Variants in SF3B3 observed in about 807,000 individuals in gnomAD.
The protein encoded by SF3B3 is SAP 130.
SF3B3 carries 33 observed loss-of-function variants against 139.2 expected under a neutral mutation model. The observed-to-expected ratio is 0.24, with a 90% CI of 0.18 to 0.32. The LOEUF (loss-of-function observed/expected upper bound fraction) is 0.32, where lower values mean the gene tolerates loss of function less well. Among genes scored for constraint, SF3B3 ranks in the 10% least tolerant of loss-of-function variants. The pLI is 1.00. For synonymous variants in SF3B3, 596 were observed against 563.6 expected (o/e 1.06, Z -0.81); for missense variants, 818 against 1,509.4 (o/e 0.54, Z 7.59).
chr16:70,557,123 G>T, intron 15 of SF3B3, 94 bp downstream of exon 15: 1 of 1,336,086 alleles, frequency 7.5e-7, no homozygotes, highest in Non-Finnish European at 1.0e-6. Context: ...TCTGCCCATG[G>T]TTTCAGATCC....
intron 2 of SF3B3, chr16:70,527,027 C>T: frequency 3.0e-6 from 1 of 338,020 alleles, no homozygotes; most frequent in Non-Finnish European, 5.4e-6. Context: ...AAGACCTGAT[C>T]TTTGATCTTG....
At position 70,536,952 on chromosome 16, in the gene SF3B3, A is replaced by G. The variant is rs374523922; in HGVS notation, c.826-1371A>G. On this transcript the variant is annotated intron_variant, in intron 6 of 25. Coordinates refer to ENST00000302516, the MANE Select transcript of SF3B3 (RefSeq NM_012426.5). ...CAGCCTCCCAAGTAGCTGGGACTAC[A>G]GGCACCTGTTACCATGCCCAGCTAA... 2.0e-5 allele frequency among the ~76,000 whole-genome samples: 3 copies of G among 151,974 alleles called. No individual in the cohort carries two copies. The East Asian group carries it at 5.8e-4, about 30-fold the overall frequency.
chr16:70,563,838 A>T, intron 17 of SF3B3, 38 bp from the exon 18 acceptor site: 1 of 1,603,954 alleles, frequency 6.2e-7, no homozygotes, highest in Non-Finnish European at 8.5e-7. Flanking sequence ...TCTGGGTCCG[A>T]GTGAGTATTA....
At position 70,572,506 on chromosome 16, in the gene SF3B3, A is replaced by T; in HGVS notation, c.*693A>T. 5.9e-6 allele frequency: 1 copy of T among 168,102 alleles called. No individual in the cohort carries two copies. The highest frequency in any genetic ancestry group is 6.2e-5 in the Admixed American group (1 of 16,114). 10.4% of individuals were successfully genotyped at this position (168,102 alleles called of 1,614,324 possible). A position where few individuals can be genotyped will look rare whatever the true frequency, so the allele number is the denominator to read the frequency against. ...GTGCTGATGAAACATGACCTCAATA[A>T]CCATGTGTATACCCACCCCTCTTCC... On this transcript the variant is annotated 3_prime_UTR_variant, in exon 26 of 26. Coordinates refer to ENST00000302516, the MANE Select transcript of SF3B3 (RefSeq NM_012426.5).
At chr16:70,566,131 T>G (rs892187829) in intron 20 of SF3B3, among the ~76,000 whole-genome samples, 1 of 151,322 alleles carries the variant, frequency 6.6e-6, no homozygotes, top group Non-Finnish European at 1.5e-5. Context: ...AAAAAAAGAT[T>G]TAATATTCTT....
In SF3B3 at chr16:70,573,590, G is replaced by C. The variant is rs2050549883; in HGVS notation, c.*1777G>C. ...GAATATGTGGAAAGGAATTTTCATA[G>C]TTGTTGCTGCAGGACCTACAAAAGT... On this transcript the variant is annotated 3_prime_UTR_variant, in exon 26 of 26. Transcript: ENST00000302516. 1 of 152,206 alleles carries C rather than the reference G, an allele frequency of 6.6e-6. No homozygotes were observed. The highest frequency in any genetic ancestry group is 2.1e-4 in the South Asian group (1 of 4,826). 9.4% of individuals were successfully genotyped at this position (152,206 alleles called of 1,614,324 possible).
chr16:70,552,252 T>G (rs528832170), intron 11 of SF3B3, among the ~76,000 whole-genome samples: 18 of 152,330 alleles, frequency 1.2e-4, no homozygotes, highest in African/African-American at 4.3e-4. Context: ...TTGGCTTTAA[T>G]TTGCTTTGAC....
At chr16:70,549,966 T>C (rs984985532) in intron 11 of SF3B3, among the ~76,000 whole-genome samples, 14 of 152,166 alleles carry the variant, frequency 9.2e-5, no homozygotes, top group African/African-American at 3.4e-4. Flanking sequence ...ACAGAAAAGT[T>C]AACTCTCACT....
At chr16:70,526,871 A>C in intron 2 of SF3B3, 145 bp downstream of exon 2, 1 of 629,750 alleles carries the variant, frequency 1.6e-6, no homozygotes, top group South Asian at 1.9e-5. Context: ...TGAGGTGTTA[A>C]GTTCTGGTGC....
intron 9 of SF3B3, 85 bp downstream of exon 9, chr16:70,541,919 C>T: frequency 8.2e-7 from 1 of 1,214,910 alleles, no homozygotes; most frequent in Non-Finnish European, 1.2e-6. Flanking sequence ...TTAGTATTTC[C>T]ATGAACTCGC....
At chr16:70,543,628 A>AAT (rs1278261432) in intron 9 of SF3B3, among the ~76,000 whole-genome samples, 1 of 152,074 alleles carries the variant, frequency 6.6e-6, no homozygotes, top group East Asian at 1.9e-4. Context: ...GAATCGCTTG[A>AAT]ACCCAGGAGA....
At chr16:70,548,529 G>A in intron 11 of SF3B3, 87 bp downstream of exon 11, 2 of 1,162,332 alleles carry the variant, frequency 1.7e-6, no homozygotes, top group South Asian at 2.5e-5. Flanking sequence ...TAATACTTCT[G>A]TATCATTTCA....
Position 70,544,518 on chromosome 16 carries a change from A to T in SF3B3, c.1314A>T (p.Leu438=), listed in dbSNP as rs1260396222. The T allele has an allele frequency of 1.2e-6, 2 of 1,603,800 alleles. No individual in the cohort carries two copies. Among genetic ancestry groups the T allele is most frequent in the African/African-American group, 2.7e-5 (2 of 74,720 alleles). The change falls in exon 10 of 26, where the codon CTA becomes CTT. Residue 438 remains leucine (L), a synonymous_variant. Transcript: ENST00000302516. ...GRGPRSSLRV[L]RHGLEVSEMA... ...GACCCCGATCATCTCTGAGAGTCCT[A>T]AGACATGGACTTGAGGTAAGGTTGC...
intron 10 of SF3B3, among the ~76,000 whole-genome samples, chr16:70,546,163 G>T (rs1336869594): frequency 6.6e-6 from 1 of 152,124 alleles, no homozygotes; most frequent in African/African-American, 2.4e-5. Context: ...TAGAGACAGG[G>T]TCTTGCTATT....
chr16:70,550,244 TGTG>T (rs1370580995), intron 11 of SF3B3: 2 of 152,238 alleles, frequency 1.3e-5, no homozygotes, highest in Non-Finnish European at 2.9e-5. Flanking sequence ...TGTGTTGTGA[TGTG>T]GTGAAAGGCA....
chr16:70,568,981 CT>C lies in SF3B3; in HGVS notation c.3166-60del, dbSNP rs937849833. On this transcript the variant is annotated intron_variant, in intron 22 of 25. Coordinates refer to ENST00000302516, the MANE Select transcript of SF3B3 (RefSeq NM_012426.5). ...TGCAAAGACCTGGCCAGACCTGTTG[CT>C]TGGTGACTCAGGTGAGCAGGTCCGG... 2.1e-5 allele frequency: 26 copies of C among 1,227,450 alleles called. No individual in the cohort carries two copies. The African/African-American group carries it at 3.3e-4, about 15-fold the overall frequency. 76.0% of individuals were successfully genotyped at this position (1,227,450 alleles called of 1,614,324 possible). A position where few individuals can be genotyped will look rare whatever the true frequency, so the allele number is the denominator to read the frequency against.
rs1365762415 is a variant in SF3B3, at chr16:70,528,741, C to G, written c.71-132C>G. On this transcript the variant is annotated intron_variant, in intron 2 of 25. Coordinates refer to ENST00000302516, the MANE Select transcript of SF3B3 (RefSeq NM_012426.5). ...CAAGCGATTCTCCTGCCTTAGCCTC[C>G]CGAGTAGCTGGGATTACAGGCATGT... 2.7e-5 allele frequency: 17 copies of G among 633,772 alleles called. No homozygotes were observed. The East Asian group carries it at 4.7e-4, about 18-fold the overall frequency. The allele number at this position is 633,772 out of a possible 1,614,324, so 39.3% of individuals were successfully genotyped here.
chr16:70,526,537 C>T (rs1269437924), intron 1 of SF3B3, 50 bp from the exon 2 acceptor site: 3 of 661,352 alleles, frequency 4.5e-6, no homozygotes, highest in Admixed American at 6.0e-5. Context: ...ACAGAAATGT[C>T]TGTTGAAGTA....
At chr16:70,535,884 C>G (rs895719229) in intron 6 of SF3B3, among the ~76,000 whole-genome samples, 1 of 150,988 alleles carries the variant, frequency 6.6e-6, no homozygotes, top group African/African-American at 2.4e-5. Context: ...TTTTTTCTTT[C>G]TCATGATATA....
Sources: allele counts gnomAD v4.1 joint callset (sites outside exome capture counted in the v4.1 genomes callset), GRCh38; gene constraint gnomAD v4.1.1; transcripts MANE v1.5; gene names NCBI Gene and HGNC (gene_info 2026-07-23, HGNC 2026-07-21).